Variants in PANK4 observed in about 807,000 individuals in gnomAD.
PANK4 encodes the protein 4'-phosphopantetheine phosphatase.
Under a neutral mutation model 87.9 loss-of-function variants are expected in PANK4, and 40 were observed. The observed-to-expected ratio is 0.46, with a 90% CI of 0.35 to 0.59. The LOEUF is 0.59. Among genes scored for constraint, PANK4 ranks in the 20% least tolerant of loss-of-function variants. PANK4 has a pLI of 0.00. For missense variants in PANK4, 926 were observed against 1,072.3 expected (o/e 0.86, Z 1.90); for synonymous variants, 524 against 467.4 (o/e 1.12, Z -1.56).
intron 1 of PANK4, among the ~76,000 whole-genome samples, chr1:2,522,677 G>A (rs1026000202): frequency 6.6e-6 from 1 of 152,286 alleles, no homozygotes; most frequent in African/African-American, 2.4e-5. Context: ...ATGTGACTTT[G>A]AGTGCATTGC....
chr1:2,517,370 T>C (rs1643799740), intron 9 of PANK4, among the ~76,000 whole-genome samples: 1 of 152,200 alleles, frequency 6.6e-6, no homozygotes, highest in Non-Finnish European at 1.5e-5. Flanking sequence ...CTGAACCCCA[T>C]GTCTACAAAT....
intron 1 of PANK4, 95 bp downstream of exon 1, chr1:2,526,369 C>T: frequency 1.4e-6 from 1 of 737,172 alleles, no homozygotes; most frequent in South Asian, 5.8e-5. Context: ...CCCGCGCCCC[C>T]GCCCTTCGTC....
intron 9 of PANK4, among the ~76,000 whole-genome samples, chr1:2,516,520 C>T (rs1209223846): frequency 6.6e-6 from 1 of 152,240 alleles, no homozygotes; most frequent in African/African-American, 2.4e-5. Flanking sequence ...ATGAGGGGAA[C>T]TGTGTAGCTG....
chr1:2,512,653 C>T (rs921129654), intron 13 of PANK4: 3 of 552,084 alleles, frequency 5.4e-6, no homozygotes, highest in African/African-American at 1.9e-5. Flanking sequence ...CTGCGGCACC[C>T]ATGCTTAAGG....
chr1:2,520,922 C>T lies in PANK4; in HGVS notation c.423-16G>A. 6.5e-7 allele frequency: 1 copy of T among 1,543,662 alleles called. No homozygotes were observed. ...CTTGTCGACTCTGAAAAGGAAGCGC[C>T]AACCCCTTAAAGAGTCTGGGCCACA... On this transcript the variant is annotated splice_polypyrimidine_tract_variant and intron_variant, in intron 3 of 18. Transcript: ENST00000378466. The surrounding 1 kb of genome is among the most constrained non-coding windows in gnomAD (Gnocchi z 6.2).
chr1:2,519,223 C>A lies in PANK4; in HGVS notation c.955G>T (p.Val319Leu), dbSNP rs1158864629. Residue 319 changes from valine to leucine, a missense_variant, in exon 7 of 19, where the codon GTG (valine) becomes TTG (leucine). Physicochemically the swap from Val to Leu is conservative, Grantham distance 32. Coordinates refer to ENST00000378466, the MANE Select transcript of PANK4 (RefSeq NM_018216.4). This position sits in a 1 kb window ranked among gnomAD's most constrained non-coding sequence, Gnocchi z 8.3. ...LHARLHSLDR[V>L]YFGGFFIRGH... Reference sequence around the variant, plus strand: ...CGGATAAAGAAGCCTCCAAAGTACACGCGGTCCAGGCTGTGCAGCCGTGCG... The same window carrying A: ...CGGATAAAGAAGCCTCCAAAGTACAAGCGGTCCAGGCTGTGCAGCCGTGCG... 6.2e-7 allele frequency: 1 copy of A among 1,612,818 alleles called. No individual in the cohort carries two copies. The highest frequency in any genetic ancestry group is 8.5e-7 in the Non-Finnish European group (1 of 1,179,908).
At chr1:2,518,683 G>A (rs957439560) in intron 7 of PANK4, 86 bp from the exon 8 acceptor site, 7 of 1,141,010 alleles carry the variant, frequency 6.1e-6, no homozygotes, top group Admixed American at 6.0e-5. Context: ...CGCGGGCCTC[G>A]CACCGCGCGG....
In PANK4 at chr1:2,521,144, C is replaced by G. The variant is rs879024031; in HGVS notation, c.379G>C (p.Ala127Pro). 6.2e-7 allele frequency: 1 copy of G among 1,613,828 alleles called. No individual in the cohort carries two copies. The highest frequency in any genetic ancestry group is 8.5e-7 in the Non-Finnish European group (1 of 1,179,900). ...TKVIQATGGG[A>P]YKFKDLIEEK... ...TCGATGAGGTCTTTGAACTTGTAGG[C>G]CCCGCCCCCGGTCGCCTGGATGACC... The change falls in exon 3 of 19, where the codon GCC (alanine) becomes CCC (proline). Residue 127 changes from alanine (A) to proline (P), a missense_variant. Coordinates refer to ENST00000378466, the MANE Select transcript of PANK4 (RefSeq NM_018216.4).
rs886492366 is a variant in PANK4 at position 2,519,544 on chromosome 1, T to G, written c.854-220A>C. Among the ~76,000 whole-genome samples the G allele has an allele frequency of 3.3e-5, 5 of 152,128 alleles. No homozygotes were observed. Among genetic ancestry groups the G allele is most frequent in the African/African-American group, 1.2e-4 (5 of 41,408 alleles). ...TCATTCCTGGACGGATTAAGCTTTG[T>G]TTTGAAGGAGGAAAAAACCCAATCA... On this transcript the variant is annotated intron_variant, in intron 6 of 18. Transcript: ENST00000378466. This position sits in a 1 kb window ranked among gnomAD's most constrained non-coding sequence, Gnocchi z 8.3.
At chr1:2,523,885 G>A (rs1643898775) in intron 1 of PANK4, among the ~76,000 whole-genome samples, 1 of 152,358 alleles carries the variant, frequency 6.6e-6, no homozygotes, top group East Asian at 1.9e-4. Context: ...GCCCGCGCTC[G>A]GCCCTGAGGC....
chr1:2,514,488 G>C (rs370441893), intron 10 of PANK4, 22 bp from the exon 11 acceptor site: 1 of 1,567,414 alleles, frequency 6.4e-7, no homozygotes, highest in Non-Finnish European at 8.7e-7. Context: ...AGAAGGAGGG[G>C]GTTAGTCAAG....
At position 2,520,680 on chromosome 1, in the gene PANK4, T is replaced by C. The variant is rs1034806139; in HGVS notation, c.606+43A>G. ...CACACAGCGAGGGCTTAACAAACTA[T>C]GGCTAAACCATCCACTCATTCATTC... On this transcript the variant is annotated intron_variant, in intron 4 of 18. Coordinates refer to ENST00000378466, the MANE Select transcript of PANK4 (RefSeq NM_018216.4). The surrounding 1 kb of genome is among the most constrained non-coding windows in gnomAD (Gnocchi z 6.2). 1.3e-6 allele frequency: 2 copies of C among 1,573,308 alleles called. No individual in the cohort carries two copies. The highest frequency in any genetic ancestry group is 1.7e-6 in the Non-Finnish European group (2 of 1,148,478).
chr1:2,511,253 A>G, intron 15 of PANK4, 85 bp downstream of exon 15: 1 of 901,674 alleles, frequency 1.1e-6, no homozygotes, highest in Non-Finnish European at 1.8e-6. Context: ...CACCCGAGGC[A>G]GCCCATGCCC....
chr1:2,519,051 C>G lies in PANK4; in HGVS notation c.1035+92G>C. On this transcript the variant is annotated intron_variant, in intron 7 of 18. Coordinates refer to ENST00000378466, the MANE Select transcript of PANK4 (RefSeq NM_018216.4). This position sits in a 1 kb window ranked among gnomAD's most constrained non-coding sequence, Gnocchi z 8.3. ...CTTGGCCCCCACCCTCCAGGCCTCC[C>G]TGGGGGTGCTGCGGTGTCTAACCAG... 1 of 1,241,014 alleles carries G rather than the reference C, an allele frequency of 8.1e-7. No homozygotes were observed. The highest frequency in any genetic ancestry group is 2.0e-5 in the Admixed American group (1 of 49,368). 76.9% of individuals were successfully genotyped at this position (1,241,014 alleles called of 1,614,324 possible).
Position 2,515,761 on chromosome 1 carries a change from A to G in PANK4, c.1219-44T>C. 3.2e-6 allele frequency: 5 copies of G among 1,578,408 alleles called. No homozygotes were observed. Among genetic ancestry groups the G allele is most frequent in the Non-Finnish European group, 4.3e-6 (5 of 1,157,160 alleles). On this transcript the variant is annotated intron_variant, in intron 9 of 18. Coordinates refer to ENST00000378466, the MANE Select transcript of PANK4 (RefSeq NM_018216.4). This position sits in a 1 kb window ranked among gnomAD's most constrained non-coding sequence, Gnocchi z 5.0. ...CAGGGTGGAAACGTCACCATGGTTCAGAACGACCCAAGCCACACTCAGAAG... is the reference window on the plus strand; with the variant it reads ...CAGGGTGGAAACGTCACCATGGTTCGGAACGACCCAAGCCACACTCAGAAG...
chr1:2,521,254 C>G lies in PANK4; in HGVS notation c.269G>C (p.Arg90Pro). Residue 90 changes from arginine (R) to proline (P), a missense_variant, in exon 3 of 19, where the codon CGA (arginine) becomes CCA (proline). Coordinates refer to ENST00000378466, the MANE Select transcript of PANK4 (RefSeq NM_018216.4). ...ATTCTCAAACTTAATGAAGTGCAGTCGAGCAGTGATCTCTTCTTGAACTGA... is the reference window on the plus strand; with the variant it reads ...ATTCTCAAACTTAATGAAGTGCAGTGGAGCAGTGATCTCTTCTTGAACTGA... ...EISVQEEITARLHFIKFENTY... is the reference protein window; with the variant it reads ...EISVQEEITAPLHFIKFENTY... 1 of 1,613,954 alleles carries G rather than the reference C, an allele frequency of 6.2e-7. No individual in the cohort carries two copies. Among genetic ancestry groups the G allele is most frequent in the Non-Finnish European group, 8.5e-7 (1 of 1,179,988 alleles).
intron 1 of PANK4, 40 bp downstream of exon 1, chr1:2,526,424 C>T (rs769271322): frequency 8.8e-6 from 10 of 1,131,362 alleles, no homozygotes; most frequent in Non-Finnish European, 1.1e-5. Flanking sequence ...GCGCCCCGCC[C>T]GCCCCCGCAG....
Position 2,510,368 on chromosome 1 carries a change from T to C in PANK4, c.1939-211A>G. On this transcript the variant is annotated intron_variant, in intron 16 of 18. Transcript: ENST00000378466. This position sits in a 1 kb window ranked among gnomAD's most constrained non-coding sequence, Gnocchi z 4.9. ...CTGAGCCGAGGGGCAGAGCTGAGTT[T>C]AGAGCCTGCCCCTGGGACCTGCCTG... 1 of 599,840 alleles carries C rather than the reference T, an allele frequency of 1.7e-6. No individual in the cohort carries two copies. Among genetic ancestry groups the C allele is most frequent in the East Asian group, 2.8e-5 (1 of 36,196 alleles). The allele number at this position is 599,840 out of a possible 1,614,324, so 37.2% of individuals were successfully genotyped here.
intron 2 of PANK4, 199 bp from the exon 3 acceptor site, chr1:2,521,514 C>T (rs543668717): frequency 4.6e-5 from 32 of 691,060 alleles, no homozygotes; most frequent in Non-Finnish European, 6.4e-5. Context: ...AAGCCTCTCC[C>T]GGGGGAGCAC....
Sources: allele counts gnomAD v4.1 joint callset (sites outside exome capture counted in the v4.1 genomes callset), GRCh38; gene constraint gnomAD v4.1.1; non-coding constraint Gnocchi (gnomAD v3.1); transcripts MANE v1.5; gene names NCBI Gene and HGNC (gene_info 2026-07-23, HGNC 2026-07-21).